The following PDE2A variants were observed in gnomAD, a reference collection of about 807,000 sequenced individuals.
The protein encoded by PDE2A is phosphodiesterase 2A.
PDE2A carries 53 observed loss-of-function variants against 133.6 expected under a neutral mutation model. The ratio of observed to expected loss-of-function variants is 0.40; its 90% confidence interval spans 0.32 to 0.50. The LOEUF is 0.50. PDE2A is among the 20% of genes least tolerant of loss of function. The pLI, the probability that PDE2A is intolerant of heterozygous loss-of-function variation, is 0.73. For missense variants in PDE2A, 796 were observed against 1,232.4 expected, an observed-to-expected ratio of 0.65 and a Z score of 5.30; for synonymous variants, 491 against 490.2, an observed-to-expected ratio of 1.00 and a Z score of -0.02.
At chr11:72,636,030 C>G (rs771093946) in intron 2 of PDE2A, 11 of 1,272,034 alleles carry the variant, frequency 8.6e-6, no homozygotes, top group Non-Finnish European at 1.1e-5. Context: ...TGGCAGCCCC[C>G]AGTAGAGGCA....
chr11:72,640,666 T>A (rs1858915001), intron 2 of PDE2A, among the ~76,000 whole-genome samples: 1 of 152,012 alleles, frequency 6.6e-6, no homozygotes, highest in Admixed American at 6.5e-5. Context: ...CCCCAACTCC[T>A]CTCTGACAAG....
At chr11:72,627,618 C>A (rs1858149553) in intron 2 of PDE2A, among the ~76,000 whole-genome samples, 1 of 152,148 alleles carries the variant, frequency 6.6e-6, no homozygotes, top group South Asian at 2.1e-4. Flanking sequence ...ATGAGGGGAC[C>A]CAGCAGGCAA....
At position 72,586,662 on chromosome 11, in the gene PDE2A, G is replaced by A. The variant is rs141628310; in HGVS notation, c.1071-481C>T. On this transcript the variant is annotated intron_variant, in intron 13 of 30. Transcript: ENST00000334456. ...GAGGACTGCTTGCCCTGCTCATGGA[G>A]CTAGCTCTGGTGAGACAAGATAAGC... Among the ~76,000 whole-genome samples the A allele has an allele frequency of 3.5e-3, 537 of 152,330 alleles. 1 individual carries two copies. The highest frequency in any genetic ancestry group is 6.8e-3 in the Middle Eastern group (2 of 294).
chr11:72,609,662 A>G (rs990825904), intron 2 of PDE2A, among the ~76,000 whole-genome samples: 2 of 152,142 alleles, frequency 1.3e-5, no homozygotes, highest in African/African-American at 4.8e-5. Context: ...AGGTAACAGA[A>G]CAAAGGAAAC....
Position 72,585,272 on chromosome 11 carries a change from AG to A in PDE2A, c.1286+98del, listed in dbSNP as rs1290952928. 4.1e-6 allele frequency: 4 copies of A among 986,714 alleles called. No individual in the cohort carries two copies. In the East Asian group the frequency reaches 1.0e-4, roughly 25 times the overall value. 61.1% of individuals were successfully genotyped at this position (986,714 alleles called of 1,614,324 possible). On this transcript the variant is annotated intron_variant, in intron 16 of 30. Coordinates refer to ENST00000334456, the MANE Select transcript of PDE2A (RefSeq NM_002599.5). ...CCCTCAAAAGGTGATGAAGTCCCGC[AG>A]AAGGCAGAGAAAGGGAAGTGGGTGG... is the stretch of plus-strand genomic sequence containing the variant.
At chr11:72,645,319 T>C (rs1316148962) in intron 1 of PDE2A, among the ~76,000 whole-genome samples, 1 of 152,214 alleles carries the variant, frequency 6.6e-6, no homozygotes, top group African/African-American at 2.4e-5. Context: ...AGTGCACTGC[T>C]TTCTTCCAGT....
intron 2 of PDE2A, chr11:72,614,998 C>G (rs961723931): frequency 4.9e-6 from 2 of 411,510 alleles, no homozygotes; most frequent in East Asian, 7.3e-5. Context: ...CTACTTACCC[C>G]CTCCCGCTCC....
At chr11:72,618,553 G>A (rs559338056) in intron 2 of PDE2A, among the ~76,000 whole-genome samples, 163 of 152,258 alleles carry the variant, frequency 1.1e-3, no homozygotes, top group Non-Finnish European at 1.2e-4. Flanking sequence ...GCAGGCTCTG[G>A]GGCCCCACGC....
At chr11:72,671,604 C>T (rs904733351) in intron 1 of PDE2A, among the ~76,000 whole-genome samples, 1 of 151,816 alleles carries the variant, frequency 6.6e-6, no homozygotes, top group African/African-American at 2.4e-5. Context: ...GCTTGGTGGG[C>T]AGGGGGAATG....
chr11:72,582,306 G>T, intron 21 of PDE2A, 138 bp downstream of exon 21: 1 of 824,668 alleles, frequency 1.2e-6, no homozygotes, highest in Non-Finnish European at 1.9e-6. Flanking sequence ...CAGACTACAA[G>T]CCCCTCCATC....
At chr11:72,580,711 A>G in intron 24 of PDE2A, 87 bp from the exon 25 acceptor site, 1 of 1,165,006 alleles carries the variant, frequency 8.6e-7, no homozygotes, top group South Asian at 1.3e-5. Flanking sequence ...CTGCCCTTCC[A>G]CCTTTCTCCC....
intron 2 of PDE2A, among the ~76,000 whole-genome samples, chr11:72,617,151 G>C (rs972054456): frequency 6.6e-6 from 1 of 152,230 alleles, no homozygotes; most frequent in Non-Finnish European, 1.5e-5. Context: ...CTCAGATGTC[G>C]GGTAAGGCTG....
At chr11:72,595,567 T>C (rs1856442920) in intron 6 of PDE2A, among the ~76,000 whole-genome samples, 1 of 148,350 alleles carries the variant, frequency 6.7e-6, no homozygotes, top group Non-Finnish European at 1.5e-5. Flanking sequence ...CACTGCCCTC[T>C]CCTGCCAGCA....
chr11:72,579,173 G>T, intron 27 of PDE2A, 111 bp downstream of exon 27: 1 of 978,672 alleles, frequency 1.0e-6, no homozygotes, highest in Non-Finnish European at 1.6e-6. Context: ...TGCAGCCAGA[G>T]AAGGGTTGAT....
At chr11:72,656,622 G>T (rs746327245) in intron 1 of PDE2A, among the ~76,000 whole-genome samples, 7 of 151,918 alleles carry the variant, frequency 4.6e-5, no homozygotes, top group Non-Finnish European at 7.4e-5. Context: ...TATCGGCATA[G>T]CCCTTGCTGA....
intron 2 of PDE2A, among the ~76,000 whole-genome samples, chr11:72,639,280 C>T (rs1858847998): frequency 6.6e-6 from 1 of 152,216 alleles, no homozygotes; most frequent in South Asian, 2.1e-4. Flanking sequence ...CTCCATCTGA[C>T]CTGGAGTGAA....
chr11:72,670,894 A>G (rs4944643), intron 1 of PDE2A, among the ~76,000 whole-genome samples: 150,325 of 151,996 alleles, frequency 0.99, 74,387 homozygotes, highest in Middle Eastern at 1. Flanking sequence ...CCGGGGGTAT[A>G]CAAACAGCAG....
intron 2 of PDE2A, among the ~76,000 whole-genome samples, chr11:72,622,871 A>T (rs1232986285): frequency 1.3e-5 from 2 of 152,222 alleles, no homozygotes; most frequent in African/African-American, 2.4e-5. Context: ...AATTTAAAAA[A>T]TTTTAAGCTT....
intron 1 of PDE2A, among the ~76,000 whole-genome samples, chr11:72,657,217 C>A (rs1346223627): frequency 2.0e-5 from 3 of 152,168 alleles, no homozygotes; most frequent in Non-Finnish European, 4.4e-5. Context: ...GTGGCTGTCC[C>A]CCACCTCACT....
Sources: allele counts gnomAD v4.1 joint callset (sites outside exome capture counted in the v4.1 genomes callset), GRCh38; gene constraint gnomAD v4.1.1; transcripts MANE v1.5; gene names NCBI Gene and HGNC (gene_info 2026-07-23, HGNC 2026-07-21).